The following STK32C variants were observed in gnomAD, a reference collection of about 807,000 sequenced individuals.
STK32C encodes the protein serine/threonine kinase 32C.
STK32C carries 31 observed loss-of-function variants against 56.5 expected under a neutral mutation model. That is an observed-to-expected ratio of 0.55 (90% CI 0.41 to 0.74). The LOEUF (loss-of-function observed/expected upper bound fraction) is 0.74. STK32C is among the 30% of genes least tolerant of loss of function. STK32C has a pLI of 0.00. For missense variants in STK32C, 544 were observed against 676.9 expected (o/e 0.80, Z 2.18); for synonymous variants, 309 against 289.4 (o/e 1.07, Z -0.69).
chr10:132,234,202 G>A (rs2063196782), intron 2 of STK32C, among the ~76,000 whole-genome samples: 1 of 152,164 alleles, frequency 6.6e-6, no homozygotes, highest in South Asian at 2.1e-4. Context: ...TGTGCAGGAT[G>A]TGCATAATCC....
chr10:132,332,121 C>A (rs543275155), upstream of STK32C: 20 of 188,526 alleles, frequency 1.1e-4, 1 homozygote, highest in South Asian at 2.6e-3. Context: ...CAGACACACT[C>A]GCGCTCAGCG....
intron 1 of STK32C, among the ~76,000 whole-genome samples, chr10:132,271,447 C>A: frequency 6.6e-6 from 1 of 152,190 alleles, no homozygotes; most frequent in East Asian, 1.9e-4. Flanking sequence ...AGTGTGGGCC[C>A]GTGCTGTGCC....
At chr10:132,292,875 C>T (rs956503627) in intron 1 of STK32C, among the ~76,000 whole-genome samples, 1 of 152,134 alleles carries the variant, frequency 6.6e-6, no homozygotes, top group African/African-American at 2.4e-5. Context: ...CCGCGACGAC[C>T]CGCTGCCGGT....
chr10:132,236,852 C>T (rs1325442966), intron 2 of STK32C, among the ~76,000 whole-genome samples: 4 of 152,182 alleles, frequency 2.6e-5, no homozygotes, highest in East Asian at 1.9e-4. Context: ...CCTGTGGACC[C>T]GACAAACGTG....
At chr10:132,300,233 G>T (rs1296648351) in intron 1 of STK32C, among the ~76,000 whole-genome samples, 1 of 152,190 alleles carries the variant, frequency 6.6e-6, no homozygotes, top group Non-Finnish European at 1.5e-5. Context: ...GAATGTGCTC[G>T]GTTCCTATTT....
At chr10:132,221,736 A>G (rs1436062205) in intron 10 of STK32C, among the ~76,000 whole-genome samples, 33 of 114,512 alleles carry the variant, frequency 2.9e-4, no homozygotes, top group Middle Eastern at 7.6e-3. Context: ...AGGGCTTCAC[A>G]TGGCCGTCCC....
intron 1 of STK32C, among the ~76,000 whole-genome samples, chr10:132,256,096 C>A (rs953785260): frequency 6.6e-6 from 1 of 152,234 alleles, no homozygotes; most frequent in Non-Finnish European, 1.5e-5. Flanking sequence ...GGGAACATAC[C>A]CTGTGCCCCA....
intron 1 of STK32C, among the ~76,000 whole-genome samples, chr10:132,247,359 G>A (rs1245528717): frequency 6.6e-6 from 1 of 152,204 alleles, no homozygotes; most frequent in Non-Finnish European, 1.5e-5. Context: ...TTTCAGCATA[G>A]ACGCAGCAGG....
intron 1 of STK32C, among the ~76,000 whole-genome samples, chr10:132,300,432 G>T (rs1340370535): frequency 6.6e-6 from 1 of 152,158 alleles, no homozygotes; most frequent in Admixed American, 6.5e-5. Flanking sequence ...TGGAATCTGG[G>T]GGGGACAAAG....
intron 1 of STK32C, among the ~76,000 whole-genome samples, chr10:132,294,446 G>A (rs1378382040): frequency 6.6e-6 from 1 of 152,216 alleles, no homozygotes; most frequent in Non-Finnish European, 1.5e-5. Context: ...ACGGCAGGGA[G>A]TGAGTGAGTT....
At chr10:132,296,356 G>A (rs1391289658) in intron 1 of STK32C, among the ~76,000 whole-genome samples, 1 of 152,034 alleles carries the variant, frequency 6.6e-6, no homozygotes, top group Non-Finnish European at 1.5e-5. Context: ...TGAACCCAGT[G>A]TGGACTTCAG....
downstream of STK32C, among the ~76,000 whole-genome samples, chr10:132,321,271 G>C (rs1261154974): frequency 2.0e-5 from 3 of 152,214 alleles, no homozygotes; most frequent in Admixed American, 6.5e-5. Flanking sequence ...CTGTGGCCCA[G>C]AGCCAAGACT....
intron 10 of STK32C, among the ~76,000 whole-genome samples, chr10:132,221,629 C>T (rs1214596386): frequency 6.9e-6 from 1 of 145,426 alleles, no homozygotes; most frequent in Non-Finnish European, 1.5e-5. Flanking sequence ...GCCGTCCCCC[C>T]ACACACAACT....
intron 1 of STK32C, among the ~76,000 whole-genome samples, chr10:132,330,031 C>A (rs1334984855): frequency 1.3e-5 from 2 of 152,214 alleles, no homozygotes; most frequent in African/African-American, 2.4e-5. Context: ...CAACAAGGAA[C>A]GCGGCACCAG....
intron 1 of STK32C, among the ~76,000 whole-genome samples, chr10:132,265,670 G>T (rs550145350): frequency 1.1e-4 from 17 of 152,356 alleles, no homozygotes; most frequent in Middle Eastern, 3.4e-3. Flanking sequence ...ACACAAGGCA[G>T]TAATAAATGG....
At chr10:132,298,900 C>G (rs1301737164) in intron 1 of STK32C, among the ~76,000 whole-genome samples, 1 of 152,118 alleles carries the variant, frequency 6.6e-6, no homozygotes, top group East Asian at 1.9e-4. Context: ...AGAGGATGCA[C>G]CGGCTAAGCC....
chr10:132,212,612 AAG>A (rs1355545739), intron 10 of STK32C, among the ~76,000 whole-genome samples: 1 of 152,196 alleles, frequency 6.6e-6, no homozygotes, highest in Non-Finnish European at 1.5e-5. Context: ...GCCCTCAAGA[AAG>A]AGAAAAGATA....
intron 1 of STK32C, among the ~76,000 whole-genome samples, chr10:132,260,875 G>A (rs927427264): frequency 6.6e-6 from 1 of 152,204 alleles, no homozygotes; most frequent in Non-Finnish European, 1.5e-5. Flanking sequence ...GGAGCACAGG[G>A]GACAGGCTGC....
intron 1 of STK32C, among the ~76,000 whole-genome samples, chr10:132,267,071 C>T (rs928925602): frequency 2.6e-5 from 4 of 152,210 alleles, no homozygotes; most frequent in Admixed American, 6.5e-5. Flanking sequence ...GGTCAGAAGC[C>T]GGAGCAGCCC....
Sources: allele counts gnomAD v4.1 joint callset (sites outside exome capture counted in the v4.1 genomes callset), GRCh38; gene constraint gnomAD v4.1.1; transcripts MANE v1.5; gene names NCBI Gene and HGNC (gene_info 2026-07-23, HGNC 2026-07-21).